The following AKAP13 variants were observed in gnomAD, a reference collection of about 807,000 sequenced individuals.
AKAP13 encodes A-kinase anchor protein 13.
A neutral mutation model predicts 264.5 loss-of-function variants in AKAP13; 80 were observed. The observed-to-expected ratio is 0.30, with a 90% CI of 0.25 to 0.36. The LOEUF is 0.36. AKAP13 is among the 10% of genes least tolerant of loss of function. The probability of loss-of-function intolerance (pLI) is 1.00; values close to 1 mark genes in which losing one functional copy is unlikely to be tolerated. For synonymous variants in AKAP13, 1,380 were observed against 1,250.2 expected (o/e 1.10, Z -2.19); for missense variants, 3,712 against 3,435.2 (o/e 1.08, Z -2.01).
chr15:85,745,761 G>A lies in AKAP13; in HGVS notation c.*1084G>A, dbSNP rs2089350727. 6.6e-6 allele frequency: 1 copy of A among 152,338 alleles called. No individual in the cohort carries two copies. The highest frequency in any genetic ancestry group is 1.5e-5 in the Non-Finnish European group (1 of 68,126). 9.4% of individuals were successfully genotyped at this position (152,338 alleles called of 1,614,324 possible). A position where few individuals can be genotyped will look rare whatever the true frequency, so the allele number is the denominator to read the frequency against. On this transcript the variant is annotated 3_prime_UTR_variant, in exon 37 of 37. Coordinates refer to ENST00000394518, the MANE Select transcript of AKAP13 (RefSeq NM_007200.5). The stretch of plus-strand genomic sequence containing the variant: ...TGAGAAGTGGGTTCAGGCGAAGGGT[G>A]AAGCCATGTGTAGCAGTTCCTGCCA...
At chr15:85,389,548 A>G (rs1171083585) in intron 1 of AKAP13, among the ~76,000 whole-genome samples, 1 of 152,216 alleles carries the variant, frequency 6.6e-6, no homozygotes, top group African/African-American at 2.4e-5. Context: ...TAGCAGCTGA[A>G]GTCCTTTGGG....
intron 1 of AKAP13, among the ~76,000 whole-genome samples, chr15:85,406,495 C>T (rs1293698326): frequency 1.3e-5 from 2 of 149,404 alleles, no homozygotes; most frequent in African/African-American, 2.5e-5. Context: ...TTGCTGGACA[C>T]ATATGTGTCC....
intron 1 of AKAP13, among the ~76,000 whole-genome samples, chr15:85,381,218 C>T (rs1024698501): frequency 1.3e-5 from 2 of 152,096 alleles, no homozygotes; most frequent in African/African-American, 2.4e-5. Context: ...GGCGGGCGGC[C>T]GCGGTGTGGA....
At chr15:85,494,147 G>A (rs1050827121) in intron 2 of AKAP13, among the ~76,000 whole-genome samples, 6 of 152,172 alleles carry the variant, frequency 3.9e-5, no homozygotes, top group Non-Finnish European at 7.3e-5. Context: ...GATAAATTAT[G>A]GAGATTCAAT....
chr15:85,707,405 A>G (rs2086354689), intron 17 of AKAP13, among the ~76,000 whole-genome samples: 1 of 152,158 alleles, frequency 6.6e-6, no homozygotes, highest in Non-Finnish European at 1.5e-5. Flanking sequence ...CAGTTCCCAG[A>G]GGTGCATGTG....
chr15:85,744,659 T>A lies in AKAP13; in HGVS notation c.8424T>A (p.Gly2808=). 6.2e-7 allele frequency: 1 copy of A among 1,611,308 alleles called. No homozygotes were observed. Among genetic ancestry groups the A allele is most frequent in the Non-Finnish European group, 8.5e-7 (1 of 1,178,914 alleles). Residue 2808 remains glycine (G), a synonymous_variant, in exon 37 of 37, where the codon GGT becomes GGA. Coordinates refer to ENST00000394518, the MANE Select transcript of AKAP13 (RefSeq NM_007200.5). ...DGPASEVSAE[G]EEIFC ...CCGCGTCAGAAGTATCAGCAGAGGG[T>A]GAAGAGATCTTCTGCTGACCCTCTT...
intron 1 of AKAP13, among the ~76,000 whole-genome samples, chr15:85,468,818 C>T (rs184878611): frequency 3.3e-5 from 5 of 151,854 alleles, no homozygotes; most frequent in African/African-American, 1.2e-4. Flanking sequence ...ATTTTCATTG[C>T]CTTGCAATTA....
chr15:85,458,223 CAT>C (rs899406351), intron 1 of AKAP13, among the ~76,000 whole-genome samples: 1 of 151,080 alleles, frequency 6.6e-6, no homozygotes, highest in African/African-American at 2.4e-5. Flanking sequence ...TTTAGTAATA[CAT>C]GTTTGTTACG....
chr15:85,669,864 A>G (rs1272072042), intron 14 of AKAP13, 34 bp downstream of exon 14: 2 of 1,450,386 alleles, frequency 1.4e-6, no homozygotes, highest in Non-Finnish European at 1.9e-6. Flanking sequence ...AATTAAATAT[A>G]TTAAATCTTA....
chr15:85,483,636 A>ACAAAAAAC (rs1567080738), intron 1 of AKAP13, among the ~76,000 whole-genome samples: 2 of 139,020 alleles, frequency 1.4e-5, no homozygotes, highest in African/African-American at 5.6e-5. Flanking sequence ...CCGTCTCAAA[A>ACAAAAAAC]AAAAAAAAAA....
At chr15:85,549,650 C>T (rs1567119088) in intron 5 of AKAP13, among the ~76,000 whole-genome samples, 1 of 152,178 alleles carries the variant, frequency 6.6e-6, no homozygotes, top group Non-Finnish European at 1.5e-5. Flanking sequence ...TACTGTTACA[C>T]AGACAGCTGT....
intron 8 of AKAP13, among the ~76,000 whole-genome samples, chr15:85,638,626 G>T (rs1431391182): frequency 6.6e-6 from 1 of 152,080 alleles, no homozygotes; most frequent in Non-Finnish European, 1.5e-5. Context: ...ATATTAAGAG[G>T]GTTGGGAGGT....
chr15:85,717,203 T>C lies in AKAP13; in HGVS notation c.5736-87T>C, dbSNP rs2087002260. 3 of 806,868 alleles carry C rather than the reference T, an allele frequency of 3.7e-6. No individual in the cohort carries two copies. The East Asian group carries it at 8.6e-5, about 23-fold the overall frequency. The allele number at this position is 806,868 out of a possible 1,614,324, so 50.0% of individuals were successfully genotyped here. A position where few individuals can be genotyped will look rare whatever the true frequency, so the allele number is the denominator to read the frequency against. On this transcript the variant is annotated intron_variant, in intron 20 of 36. Coordinates refer to ENST00000394518, the MANE Select transcript of AKAP13 (RefSeq NM_007200.5). Reference sequence around the variant, plus strand: ...TGTAGTACTTCCAGCCAGTTGTCATTCTAGAGTCTTCAGGTACTCATTTAA... The same window carrying C: ...TGTAGTACTTCCAGCCAGTTGTCATCCTAGAGTCTTCAGGTACTCATTTAA...
At chr15:85,455,234 T>TA (rs1307057898) in intron 1 of AKAP13, among the ~76,000 whole-genome samples, 1 of 152,142 alleles carries the variant, frequency 6.6e-6, no homozygotes, top group Non-Finnish European at 1.5e-5. Flanking sequence ...ATTTTTTTTT[T>TA]AAGTCATTGG....
intron 17 of AKAP13, chr15:85,702,396 A>G (rs2085979165): frequency 6.6e-6 from 1 of 152,176 alleles, no homozygotes; most frequent in South Asian, 2.1e-4. Flanking sequence ...AGGAAGTCCC[A>G]TGTGTTATCT....
At chr15:85,383,448 C>T (rs1025717245) in intron 1 of AKAP13, among the ~76,000 whole-genome samples, 22 of 152,302 alleles carry the variant, frequency 1.4e-4, no homozygotes, top group South Asian at 4.1e-4. Flanking sequence ...ATGGAGTAGG[C>T]AGCTATTACC....
intron 1 of AKAP13, among the ~76,000 whole-genome samples, chr15:85,477,447 T>C (rs924989683): frequency 1.3e-5 from 2 of 151,988 alleles, no homozygotes; most frequent in African/African-American, 4.8e-5. Flanking sequence ...AGCTGTTGTT[T>C]GCTGCACCTC....
At chr15:85,495,243 C>T (rs544394859) in intron 2 of AKAP13, among the ~76,000 whole-genome samples, 15 of 152,110 alleles carry the variant, frequency 9.9e-5, no homozygotes, top group African/African-American at 3.4e-4. Context: ...TCCCATGGTT[C>T]TTTGATGCTT....
At chr15:85,556,243 A>G (rs1001518597) in intron 5 of AKAP13, among the ~76,000 whole-genome samples, 2 of 152,208 alleles carry the variant, frequency 1.3e-5, no homozygotes, top group South Asian at 4.1e-4. Context: ...CAACATAGTC[A>G]TTTTATTATC....
Sources: allele counts gnomAD v4.1 joint callset (sites outside exome capture counted in the v4.1 genomes callset), GRCh38; gene constraint gnomAD v4.1.1; transcripts MANE v1.5; gene names NCBI Gene and HGNC (gene_info 2026-07-23, HGNC 2026-07-21).